Variants in MYO5B observed in about 807,000 individuals in gnomAD.
MYO5B encodes unconventional myosin-Vb.
MYO5B carries 143 observed loss-of-function variants against 229.3 expected under a neutral mutation model. The observed-to-expected ratio is 0.62, with a 90% CI of 0.54 to 0.72. The LOEUF is 0.72. MYO5B is among the 30% of genes least tolerant of loss of function. MYO5B has a pLI of 0.00. For missense variants in MYO5B, 2,321 were observed against 2,331.0 expected, an observed-to-expected ratio of 1.00 and a Z score of 0.09; for synonymous variants, 918 against 885.2, an observed-to-expected ratio of 1.04 and a Z score of -0.66.
chr18:49,925,116 T>C (rs907514697), intron 17 of MYO5B, among the ~76,000 whole-genome samples: 1 of 152,212 alleles, frequency 6.6e-6, no homozygotes, highest in African/African-American at 2.4e-5. Flanking sequence ...CCCTTTGGAA[T>C]TACTAATAGA....
At chr18:49,867,659 T>C (rs1193153587) in intron 27 of MYO5B, among the ~76,000 whole-genome samples, 1 of 152,152 alleles carries the variant, frequency 6.6e-6, no homozygotes, top group East Asian at 1.9e-4. Flanking sequence ...CACTACAAAG[T>C]AGATATTTCA....
At chr18:49,910,354 G>C (rs2024944379) in intron 18 of MYO5B, among the ~76,000 whole-genome samples, 1 of 152,226 alleles carries the variant, frequency 6.6e-6, no homozygotes, top group South Asian at 2.1e-4. Flanking sequence ...GGGAAACTAT[G>C]ATCCTAGACA....
intron 21 of MYO5B, among the ~76,000 whole-genome samples, chr18:49,896,658 A>G (rs531378328): frequency 1.3e-5 from 2 of 152,128 alleles, no homozygotes; most frequent in Non-Finnish European, 2.9e-5. Context: ...GTATGAAGAG[A>G]GGCACGCATG....
At chr18:50,090,832 A>G (rs2031432410) in intron 1 of MYO5B, among the ~76,000 whole-genome samples, 1 of 152,150 alleles carries the variant, frequency 6.6e-6, no homozygotes, top group Non-Finnish European at 1.5e-5. Context: ...AGCATCCCCC[A>G]TCCTCCTATA....
In MYO5B at chr18:49,974,378, A is replaced by G; in HGVS notation, c.1294T>C (p.Ser432Pro). The G allele has an allele frequency of 1.2e-6, 2 of 1,614,204 alleles. No homozygotes were observed. The highest frequency in any genetic ancestry group is 1.7e-6 in the Non-Finnish European group (2 of 1,180,030). Residue 432 changes from serine (S) to proline (P), a missense_variant, in exon 10 of 40, where the codon TCC becomes CCC. By Grantham distance (74) the Ser-to-Pro change is moderately conservative (BLOSUM62 -1). Transcript: ENST00000285039. ...KALHTSLKQHSFIGVLDIYGF... is the reference protein window; with the variant it reads ...KALHTSLKQHPFIGVLDIYGF... ...TAGATGTCCAGGACCCCGATGAAGGAGTGCTGCTTGAGGGAGGTGTGCAGG... is the reference window on the plus strand; with the variant it reads ...TAGATGTCCAGGACCCCGATGAAGGGGTGCTGCTTGAGGGAGGTGTGCAGG...
chr18:49,963,050 G>A lies in MYO5B; in HGVS notation c.1323-20C>T. 6.3e-7 allele frequency: 1 copy of A among 1,599,548 alleles called. No homozygotes were observed. Among genetic ancestry groups the A allele is most frequent in the Non-Finnish European group, 8.6e-7 (1 of 1,166,732 alleles). ...TCAAACCTACAGAATGGAAAGAGAA[G>A]ATAAGAGACGTCTCCTTTCAACAAA... On this transcript the variant is annotated intron_variant, in intron 10 of 39. Coordinates refer to ENST00000285039, the MANE Select transcript of MYO5B (RefSeq NM_001080467.3).
Position 49,975,981 on chromosome 18 carries a change from T to TGTACATTTTGCAA in MYO5B, c.1057-1367_1057-1366insTTGCAAAATGTAC, listed in dbSNP as rs368129527. 2.7e-3 allele frequency among the ~76,000 whole-genome samples: 406 copies of TGTACATTTTGCAA among 152,368 alleles called. 2 individuals carry two copies. Among genetic ancestry groups the TGTACATTTTGCAA allele is most frequent in the African/African-American group, 9.4e-3 (392 of 41,586 alleles). On this transcript the variant is annotated intron_variant, in intron 9 of 39. Transcript: ENST00000285039. ...CTTTCACCAAAATGTACAAATTCCT[T>TGTACATTTTGCAA]GGATAATCCTTGCAGCCCACTTGGG...
At chr18:50,091,214 G>T (rs571044068) in intron 1 of MYO5B, among the ~76,000 whole-genome samples, 1 of 152,300 alleles carries the variant, frequency 6.6e-6, no homozygotes, top group East Asian at 1.9e-4. Flanking sequence ...CGCACTGGAA[G>T]TTTATAAAGG....
intron 4 of MYO5B, among the ~76,000 whole-genome samples, chr18:50,008,978 A>C (rs897769336): frequency 6.6e-6 from 1 of 152,248 alleles, no homozygotes; most frequent in African/African-American, 2.4e-5. Context: ...TTTCTGTCCA[A>C]CAAAGATACT....
At chr18:49,843,428 T>A (rs2024086884) in intron 33 of MYO5B, 36 bp from the exon 34 acceptor site, 8 of 1,612,378 alleles carry the variant, frequency 5.0e-6, no homozygotes, top group Non-Finnish European at 6.8e-6. Context: ...GCAAGTTAGA[T>A]CTATGGGGGA....
chr18:49,943,394 G>C (rs1008450565), intron 14 of MYO5B, among the ~76,000 whole-genome samples: 2 of 152,038 alleles, frequency 1.3e-5, no homozygotes, highest in Non-Finnish European at 2.9e-5. Flanking sequence ...TTCATGCATG[G>C]CATTTCAAAG....
In MYO5B at chr18:50,165,149, G is replaced by A. The variant is rs541889693; in HGVS notation, c.27+29618C>T. ...CTAGTCATCAACTCAGGGGAGAGAT[G>A]CATCTACCAGAATGCCACTGATTAA... is the stretch of plus-strand genomic sequence containing the variant. On this transcript the variant is annotated intron_variant, in intron 1 of 39. Transcript: ENST00000285039. Among the ~76,000 whole-genome samples, 4 of 152,320 alleles carry A rather than the reference G, an allele frequency of 2.6e-5. No homozygotes were observed. The South Asian group carries it at 8.3e-4, about 32-fold the overall frequency.
At chr18:49,936,121 T>A in intron 16 of MYO5B, 131 bp downstream of exon 16, 1 of 763,860 alleles carries the variant, frequency 1.3e-6, no homozygotes, top group East Asian at 2.7e-5. Context: ...GCAAGTAAGA[T>A]GTCTGGGGAG....
In MYO5B at chr18:50,171,096, C is replaced by T. The variant is rs1408572799; in HGVS notation, c.27+23671G>A. Among the ~76,000 whole-genome samples, 48 of 127,418 alleles carry T rather than the reference C, an allele frequency of 3.8e-4. 8 individuals carry two copies. The highest frequency in any genetic ancestry group is 1.3e-3 in the African/African-American group (43 of 33,636). The allele number at this position is 127,418 out of a possible 152,430, so 83.6% of individuals were successfully genotyped here. A position where few individuals can be genotyped will look rare whatever the true frequency, so the allele number is the denominator to read the frequency against. On this transcript the variant is annotated intron_variant, in intron 1 of 39. Transcript: ENST00000285039. ...ATCCCAGAATCTTGGGATACTTGGC[C>T]GCCAGTCTCATGCAGCCCTGTTCCT...
At chr18:50,183,059 C>T (rs1004873959) in intron 1 of MYO5B, among the ~76,000 whole-genome samples, 8 of 152,014 alleles carry the variant, frequency 5.3e-5, no homozygotes, top group African/African-American at 1.9e-4. Flanking sequence ...TACCTATGAC[C>T]TCAAAGCTTT....
rs763135430 is a variant in MYO5B at position 49,912,168 on chromosome 18, G to A, written c.2096C>T (p.Ala699Val). 2 of 1,613,594 alleles carry A rather than the reference G, an allele frequency of 1.2e-6. No individual in the cohort carries two copies. Among genetic ancestry groups the A allele is most frequent in the Non-Finnish European group, 8.5e-7 (1 of 1,179,854 alleles). ...ISAAGYPSRW[A>V]YHDFFNRYRV... ...ATACCGGTTGAAAAAGTCATGGTAGGCCCACCTGGAGGGAAAGCAAAGGGG... is the reference window on the plus strand; with the variant it reads ...ATACCGGTTGAAAAAGTCATGGTAGACCCACCTGGAGGGAAAGCAAAGGGG... Residue 699 changes from alanine (A) to valine (V), a missense_variant, in exon 18 of 40, where the codon GCC becomes GTC. Physicochemically the swap from Ala to Val is moderately conservative, Grantham distance 64 (BLOSUM62 0). Transcript: ENST00000285039.
At chr18:50,037,520 C>T (rs978599591) in intron 3 of MYO5B, among the ~76,000 whole-genome samples, 1 of 152,214 alleles carries the variant, frequency 6.6e-6, no homozygotes, top group African/African-American at 2.4e-5. Flanking sequence ...AATTACTTCT[C>T]AGTACTTCAG....
chr18:50,055,247 C>CCT, intron 2 of MYO5B, 21 bp downstream of exon 2: 1 of 1,212,828 alleles, frequency 8.2e-7, no homozygotes, highest in Non-Finnish European at 1.2e-6. Context: ...CCCCGCCCCC[C>CCT]TGCCCCGGAC....
chr18:50,149,234 A>C (rs2032554568), intron 1 of MYO5B, among the ~76,000 whole-genome samples: 1 of 152,178 alleles, frequency 6.6e-6, no homozygotes, highest in South Asian at 2.1e-4. Flanking sequence ...AGGAAGAATC[A>C]ATATCGTGAA....
Sources: gnomAD v4.1 joint callset for allele counts (sites outside exome capture counted in the v4.1 genomes callset) on GRCh38, gnomAD v4.1.1 for gene constraint, MANE v1.5 for transcripts, NCBI Gene and HGNC (gene_info 2026-07-23, HGNC 2026-07-21) for gene names.